The following OSBPL8 variants were observed in gnomAD, a reference collection of about 807,000 sequenced individuals.
The protein encoded by OSBPL8 is oxysterol binding protein like 8.
Under a neutral mutation model 125.5 loss-of-function variants are expected in OSBPL8, and 59 were observed. The ratio of observed to expected loss-of-function variants is 0.47; its 90% CI spans 0.38 to 0.58. OSBPL8 has a LOEUF of 0.58. Among genes scored for constraint, OSBPL8 ranks in the 20% least tolerant of loss-of-function variants. The probability of loss-of-function intolerance (pLI) is 0.00; values close to 1 mark genes in which losing one functional copy is unlikely to be tolerated. For missense variants in OSBPL8, 758 were observed against 1,047.8 expected, an observed-to-expected ratio of 0.72 and a Z score of 3.82; for synonymous variants, 330 against 338.9, an observed-to-expected ratio of 0.97 and a Z score of 0.29.
At chr12:76,449,963 C>A (rs771326923) in intron 4 of OSBPL8, among the ~76,000 whole-genome samples, 1 of 151,602 alleles carries the variant, frequency 6.6e-6, no homozygotes, top group Non-Finnish European at 1.5e-5. Context: ...ATGTATAAAC[C>A]CCCCCCATAT....
chr12:76,432,850 T>C (rs911304058), intron 4 of OSBPL8, among the ~76,000 whole-genome samples: 1 of 152,090 alleles, frequency 6.6e-6, no homozygotes, highest in Non-Finnish European at 1.5e-5. Flanking sequence ...ATACACATGA[T>C]GTATACTTAA....
chr12:76,487,625 T>C lies in OSBPL8; in HGVS notation c.-67-7A>G. 7.9e-7 allele frequency: 1 copy of C among 1,268,078 alleles called. No individual in the cohort carries two copies. Among genetic ancestry groups the C allele is most frequent in the Non-Finnish European group, 1.1e-6 (1 of 917,042 alleles). The allele number at this position is 1,268,078 out of a possible 1,614,324, so 78.6% of individuals were successfully genotyped here. On this transcript the variant is annotated splice_region_variant and splice_polypyrimidine_tract_variant and intron_variant, in intron 1 of 23. Transcript: ENST00000261183. ...TTCTGTAAATCTGCAAATCCTAAAA[T>C]AAGAAAATGATATTTATTAGGACTG...
intron 2 of OSBPL8, among the ~76,000 whole-genome samples, chr12:76,481,020 G>A (rs1195184764): frequency 6.6e-6 from 1 of 152,170 alleles, no homozygotes; most frequent in Non-Finnish European, 1.5e-5. Context: ...AGCAGGGCAT[G>A]TGATAACAAA....
At chr12:76,483,659 T>C (rs1026525983) in intron 2 of OSBPL8, among the ~76,000 whole-genome samples, 2 of 117,242 alleles carry the variant, frequency 1.7e-5, no homozygotes, top group East Asian at 2.1e-4. Context: ...ACTGTAATAG[T>C]CTTTTTTTTT....
intron 13 of OSBPL8, 59 bp from the exon 14 acceptor site, chr12:76,386,325 T>C: frequency 1.3e-6 from 2 of 1,536,730 alleles, no homozygotes; most frequent in Non-Finnish European, 1.7e-6. Flanking sequence ...CAAAATAGTT[T>C]AAACTAGTCA....
intron 1 of OSBPL8, 49 bp from the exon 2 acceptor site, chr12:76,487,667 A>G (rs1299298366): frequency 3.0e-6 from 2 of 659,584 alleles, no homozygotes; most frequent in Non-Finnish European, 4.5e-6. Context: ...AACTGTGACA[A>G]GTAGAAATAA....
chr12:76,425,642 A>G (rs1870059174), intron 4 of OSBPL8, among the ~76,000 whole-genome samples: 1 of 152,110 alleles, frequency 6.6e-6, no homozygotes. Context: ...CTTTGTTGAC[A>G]CTGGCTTGTC....
At chr12:76,458,898 C>G (rs1174235333) in intron 3 of OSBPL8, among the ~76,000 whole-genome samples, 1 of 152,082 alleles carries the variant, frequency 6.6e-6, no homozygotes, top group Admixed American at 6.6e-5. Flanking sequence ...AGTAAACTGA[C>G]TTGCAATAAT....
chr12:76,442,236 AT>A (rs1717458343), intron 4 of OSBPL8, among the ~76,000 whole-genome samples: 1 of 152,210 alleles, frequency 6.6e-6, no homozygotes, highest in South Asian at 2.1e-4. Flanking sequence ...TTACTTTTCA[AT>A]AAATGCTTTC....
chr12:76,478,807 C>T (rs10862010), intron 2 of OSBPL8, among the ~76,000 whole-genome samples: 16,001 of 152,114 alleles, frequency 0.11, 1,244 homozygotes, highest in East Asian at 0.36. Context: ...TGTAACAGGC[C>T]GGGCACAGTG....
chr12:76,524,554 CAAAG>C (rs1259962357), intron 1 of OSBPL8, among the ~76,000 whole-genome samples: 1 of 151,044 alleles, frequency 6.6e-6, no homozygotes, highest in Non-Finnish European at 1.5e-5. Context: ...GTTTTAAAAA[CAAAG>C]AAAGGACAAC....
At chr12:76,507,390 T>C (rs1880518910) in intron 1 of OSBPL8, among the ~76,000 whole-genome samples, 1 of 151,928 alleles carries the variant, frequency 6.6e-6, no homozygotes, top group South Asian at 2.1e-4. Context: ...GAACATTCAA[T>C]TATTCAGTAA....
chr12:76,373,276 T>A (rs1198769071), intron 18 of OSBPL8, 68 bp downstream of exon 18: 1 of 1,013,264 alleles, frequency 9.9e-7, no homozygotes, highest in Non-Finnish European at 1.4e-6. Flanking sequence ...GTTTTAAATT[T>A]TAAATGTGAT....
chr12:76,456,038 A>G (rs1285637493), intron 3 of OSBPL8, among the ~76,000 whole-genome samples: 1 of 152,180 alleles, frequency 6.6e-6, no homozygotes. Context: ...TATAATTAAC[A>G]TATCTGCTGC....
At chr12:76,450,389 A>G (rs1565906495) in intron 4 of OSBPL8, among the ~76,000 whole-genome samples, 2 of 152,212 alleles carry the variant, frequency 1.3e-5, no homozygotes, top group Non-Finnish European at 2.9e-5. Context: ...TTTGGGGAGT[A>G]GAGGGAAAGA....
In OSBPL8 at chr12:76,378,438, T is replaced by C. The variant is rs369933385; in HGVS notation, c.1729+14A>G. The C allele has an allele frequency of 4.7e-6, 7 of 1,483,842 alleles. No homozygotes were observed. Among genetic ancestry groups the C allele is most frequent in the Admixed American group, 2.0e-5 (1 of 49,802 alleles). 91.9% of individuals were successfully genotyped at this position (1,483,842 alleles called of 1,614,324 possible). A position where few individuals can be genotyped will look rare whatever the true frequency, so the allele number is the denominator to read the frequency against. ...GAAAGCTTAATATCTAATTCAAGTA[T>C]AGAAAATATTTACCTTTACAATGAG... On this transcript the variant is annotated intron_variant, in intron 16 of 23. Coordinates refer to ENST00000261183, the MANE Select transcript of OSBPL8 (RefSeq NM_020841.5).
intron 15 of OSBPL8, among the ~76,000 whole-genome samples, chr12:76,381,149 A>T (rs1953032025): frequency 6.6e-6 from 1 of 151,952 alleles, no homozygotes; most frequent in South Asian, 2.1e-4. Context: ...CTATCTGTTG[A>T]TTTGTTACTA....
intron 1 of OSBPL8, among the ~76,000 whole-genome samples, chr12:76,556,489 G>T (rs1330663133): frequency 2.6e-5 from 4 of 151,860 alleles, no homozygotes; most frequent in African/African-American, 7.3e-5. Flanking sequence ...ATCTCTCAGG[G>T]GTTTCCCACA....
chr12:76,540,451 A>C (rs1950608109), intron 1 of OSBPL8, among the ~76,000 whole-genome samples: 1 of 151,982 alleles, frequency 6.6e-6, no homozygotes, highest in Non-Finnish European at 1.5e-5. Context: ...ACATTACAAT[A>C]GAATACGAGT....
Sources: gnomAD v4.1 joint callset for allele counts (sites outside exome capture counted in the v4.1 genomes callset) on GRCh38, gnomAD v4.1.1 for gene constraint, MANE v1.5 for transcripts, NCBI Gene and HGNC (gene_info 2026-07-23, HGNC 2026-07-21) for gene names.